INO80D: variants seen among roughly 807,000 people sequenced by gnomAD.
The protein encoded by INO80D is INO80 complex subunit D.
INO80D carries 21 observed loss-of-function variants against 87.6 expected under a neutral mutation model. The observed-to-expected ratio is 0.24, with a 90% CI of 0.17 to 0.35. INO80D has a LOEUF of 0.35. INO80D is among the 10% of genes least tolerant of loss of function. INO80D has a pLI of 1.00. For missense variants in INO80D, 982 were observed against 1,280.7 expected (o/e 0.77, Z 3.56); for synonymous variants, 440 against 491.0 (o/e 0.90, Z 1.37).
Position 206,007,430 on chromosome 2 carries a change from G to A in INO80D, c.1772C>T (p.Thr591Met), listed in dbSNP as rs768036031. ...CAACTCATCAGCACTCAGCTCTGGC[G>A]TGGATGGGCTCCTGGGAAAGAGGAC... is the stretch of plus-strand genomic sequence containing the variant. ...VEASHIRSPSTPELSADELPD... is the reference protein window; with the variant it reads ...VEASHIRSPSMPELSADELPD... The change falls in exon 10 of 11, where the codon ACG (threonine) becomes ATG (methionine). Residue 591 changes from threonine (T) to methionine (M), a missense_variant. Coordinates refer to ENST00000403263, the MANE Select transcript of INO80D (RefSeq NM_017759.5). 4.0e-5 allele frequency: 64 copies of A among 1,609,442 alleles called. No homozygotes were observed. The highest frequency in any genetic ancestry group is 5.3e-5 in the Non-Finnish European group (62 of 1,178,300).
intron 1 of INO80D, among the ~76,000 whole-genome samples, chr2:206,068,966 G>A (rs1689890567): frequency 6.6e-6 from 1 of 152,128 alleles, no homozygotes; most frequent in South Asian, 2.1e-4. Context: ...CTCCCAAAGT[G>A]CTGGGATTAC....
chr2:206,022,486 A>G (rs1006528743), intron 6 of INO80D, among the ~76,000 whole-genome samples: 1 of 152,164 alleles, frequency 6.6e-6, no homozygotes, highest in African/African-American at 2.4e-5. Flanking sequence ...CATGTTTTTC[A>G]TATTTAAAAA....
intron 6 of INO80D, among the ~76,000 whole-genome samples, chr2:206,027,848 G>C (rs1688657844): frequency 6.6e-6 from 1 of 151,942 alleles, no homozygotes; most frequent in Non-Finnish European, 1.5e-5. Context: ...TTTTTTTAAA[G>C]CCAGGTAACA....
Position 206,004,960 on chromosome 2 carries a change from T to C in INO80D, c.2492A>G (p.Asp831Gly). The C allele has an allele frequency of 1.2e-6, 2 of 1,613,992 alleles. No homozygotes were observed. Among genetic ancestry groups the C allele is most frequent in the Non-Finnish European group, 1.7e-6 (2 of 1,179,874 alleles). ...GTAGGGAGACGGCACATGCTCACTA[T>C]CATAATGGCTTCCATGGGGTGAGGA... ...SHSSPHGSHY[D>G]SEHVPSPYSD... Residue 831 changes from aspartate (D) to glycine (G), a missense_variant, in exon 11 of 11, where the codon GAT becomes GGT. Transcript: ENST00000403263. The surrounding 1 kb of genome is among the most constrained non-coding windows in gnomAD (Gnocchi z 4.9).
At chr2:206,057,520 T>C (rs1326829979) in intron 3 of INO80D, among the ~76,000 whole-genome samples, 5 of 152,094 alleles carry the variant, frequency 3.3e-5, no homozygotes, top group Admixed American at 3.3e-4. Context: ...CAGATGTAAG[T>C]ACATGAATTA....
chr2:206,063,316 C>T (rs938165461), intron 1 of INO80D, 72 bp from the exon 2 acceptor site: 15 of 517,500 alleles, frequency 2.9e-5, no homozygotes, highest in Non-Finnish European at 1.0e-5. Context: ...AAGCAAAATA[C>T]TAAGATATCA....
chr2:206,061,951 C>T (rs1455320678), intron 3 of INO80D, among the ~76,000 whole-genome samples: 1 of 152,142 alleles, frequency 6.6e-6, no homozygotes, highest in Non-Finnish European at 1.5e-5. Context: ...TGAAGCCCCA[C>T]AGTGATCTAT....
At chr2:206,012,858 G>T (rs1156841089) in intron 8 of INO80D, among the ~76,000 whole-genome samples, 1 of 117,840 alleles carries the variant, frequency 8.5e-6, no homozygotes, top group Non-Finnish European at 1.7e-5. Context: ...GACAAAGAGA[G>T]ACTTGTCTCA....
Position 206,062,944 on chromosome 2 carries a change from A to G in INO80D, c.73T>C (p.Cys25Arg). ...KPLCSYSPKL[C>R]KQRRLNGYAF... ...TAGCCGTTGAGTCGCCTCTGCTTGC[A>G]CAGTTTGGGGCTATATGAGCACAAG... Residue 25 changes from cysteine to arginine, a missense_variant, in exon 3 of 11, where the codon TGC (cysteine) becomes CGC (arginine). Transcript: ENST00000403263. The surrounding 1 kb of genome is among the most constrained non-coding windows in gnomAD (Gnocchi z 4.6). 1 of 1,613,468 alleles carries G rather than the reference A, an allele frequency of 6.2e-7. No homozygotes were observed.
At chr2:206,025,710 T>A (rs967854629) in intron 6 of INO80D, 2 of 151,296 alleles carry the variant, frequency 1.3e-5, no homozygotes, top group Non-Finnish European at 2.9e-5. Flanking sequence ...GAAAAGAAAT[T>A]TTTTAAATGT....
chr2:206,067,898 G>A (rs914520379), intron 1 of INO80D, among the ~76,000 whole-genome samples: 2 of 152,026 alleles, frequency 1.3e-5, no homozygotes, highest in South Asian at 2.1e-4. Context: ...TGCCGAGATC[G>A]TGCCACTGCA....
intron 1 of INO80D, among the ~76,000 whole-genome samples, chr2:206,075,106 T>C (rs549545558): frequency 2.6e-4 from 40 of 151,606 alleles, no homozygotes; most frequent in Non-Finnish European, 5.1e-4. Context: ...GAACAATTCA[T>C]TTCCATTGTT....
At chr2:206,033,923 AC>A (rs1222052331) in intron 5 of INO80D, among the ~76,000 whole-genome samples, 1 of 152,206 alleles carries the variant, frequency 6.6e-6, no homozygotes, top group Non-Finnish European at 1.5e-5. Context: ...TACAACTGAT[AC>A]TACTGAAATA....
chr2:206,026,285 C>T lies in INO80D; in HGVS notation c.1298+1826G>A, dbSNP rs183906616. Among the ~76,000 whole-genome samples the T allele has an allele frequency of 6.5e-3, 982 of 152,186 alleles. 8 individuals carry two copies. Among genetic ancestry groups the T allele is most frequent in the Non-Finnish European group, 8.3e-3 (563 of 68,014 alleles). On this transcript the variant is annotated intron_variant, in intron 6 of 10. Transcript: ENST00000403263. ...AACCAGGCAGGGGCAGTGGCTCATG[C>T]CTGTGATCCCAGGACTTTGGGAGGC...
In INO80D at chr2:206,004,949, C is replaced by T; in HGVS notation, c.2503G>A (p.Val835Met). ...PHGSHYDSEH[V>M]PSPYSDHITS... ...ATATGGTCACTGTAGGGAGACGGCA[C>T]ATGCTCACTATCATAATGGCTTCCA... The change falls in exon 11 of 11, where the codon GTG (valine) becomes ATG (methionine). Residue 835 changes from valine to methionine, a missense_variant. Transcript: ENST00000403263. The surrounding 1 kb of genome is among the most constrained non-coding windows in gnomAD (Gnocchi z 4.9). The T allele has an allele frequency of 1.2e-6, 2 of 1,614,008 alleles. No homozygotes were observed. The highest frequency in any genetic ancestry group is 1.7e-6 in the Non-Finnish European group (2 of 1,179,880).
intron 1 of INO80D, 33 bp from the exon 2 acceptor site, chr2:206,063,277 C>G: frequency 1.9e-6 from 1 of 528,888 alleles, no homozygotes; most frequent in Non-Finnish European, 3.3e-6. Flanking sequence ...AGTTAACAAA[C>G]AGAAATAAGC....
At chr2:206,066,891 G>C (rs1338559273) in intron 1 of INO80D, among the ~76,000 whole-genome samples, 1 of 151,952 alleles carries the variant, frequency 6.6e-6, no homozygotes, top group Non-Finnish European at 1.5e-5. Context: ...AATAAATAAG[G>C]TATGGAAAAT....
At chr2:206,046,708 C>A in intron 4 of INO80D, 96 bp from the exon 5 acceptor site, 2 of 719,518 alleles carry the variant, frequency 2.8e-6, no homozygotes, top group South Asian at 3.1e-5. Context: ...CCCAACATAC[C>A]TATTGCAAGT....
At chr2:206,040,404 G>A (rs567510089) in intron 5 of INO80D, 110 of 174,678 alleles carry the variant, frequency 6.3e-4, no homozygotes, top group Non-Finnish European at 9.6e-4. Flanking sequence ...CTTCCTTTTT[G>A]TTGTAGCCCT....
Sources: allele counts gnomAD v4.1 joint callset (sites outside exome capture counted in the v4.1 genomes callset), GRCh38; gene constraint gnomAD v4.1.1; non-coding constraint Gnocchi (gnomAD v3.1); transcripts MANE v1.5; gene names NCBI Gene and HGNC (gene_info 2026-07-23, HGNC 2026-07-21).